Variants in MYOM2 observed in about 807,000 individuals in gnomAD.
The protein encoded by MYOM2 is myomesin 2, also known as myomesin-2.
MYOM2 carries 254 observed loss-of-function variants against 187.6 expected under a neutral mutation model. That is an observed-to-expected ratio of 1.35 (90% CI 1.22 to 1.50). The LOEUF is 1.50. MYOM2 is among the 40% of genes most tolerant of loss of function. The pLI is 0.00. For synonymous variants in MYOM2, 981 were observed against 753.8 expected, an observed-to-expected ratio of 1.30 and a Z score of -4.94; for missense variants, 2,796 against 1,924.0, an observed-to-expected ratio of 1.45 and a Z score of -8.48.
intron 14 of MYOM2, among the ~76,000 whole-genome samples, chr8:2,088,369 A>C (rs1446163144): frequency 6.6e-6 from 1 of 152,228 alleles, no homozygotes. Flanking sequence ...TTCGAGGTGC[A>C]GTTGATCTCG....
At chr8:2,144,610 C>T (rs1017720411) in intron 36 of MYOM2, 54 bp from the exon 37 acceptor site, 8 of 1,580,320 alleles carry the variant, frequency 5.1e-6, no homozygotes, top group South Asian at 2.2e-5. Flanking sequence ...GAGGGGGTGA[C>T]ATGACTTTCC....
intron 17 of MYOM2, among the ~76,000 whole-genome samples, chr8:2,094,845 C>T (rs769782805): frequency 2.6e-5 from 4 of 152,212 alleles, no homozygotes; most frequent in Middle Eastern, 3.4e-3. Flanking sequence ...TTTGATCAAA[C>T]GAGACAATTG....
chr8:2,100,128 CTTTCCTTCCTT>C, intron 19 of MYOM2, among the ~76,000 whole-genome samples: 1 of 68,298 alleles, frequency 1.5e-5, no homozygotes. Flanking sequence ...TTCCTTCCTT[CTTTCCTTCCTT>C]CCTTCCTTCC....
At chr8:2,123,488 A>G in intron 29 of MYOM2, 67 bp from the exon 30 acceptor site, 3 of 1,493,488 alleles carry the variant, frequency 2.0e-6, no homozygotes, top group Non-Finnish European at 2.8e-6. Flanking sequence ...AATGTATTAG[A>G]GTTTATTACG....
At chr8:2,049,417 G>A (rs1292036019) in intron 1 of MYOM2, among the ~76,000 whole-genome samples, 3 of 152,160 alleles carry the variant, frequency 2.0e-5, no homozygotes, top group East Asian at 3.9e-4. Flanking sequence ...TGTGATTCTC[G>A]GAGATTACAG....
chr8:2,127,752 G>A (rs888832321), intron 31 of MYOM2: 5 of 142,098 alleles, frequency 3.5e-5, no homozygotes, highest in Non-Finnish European at 7.7e-5. Flanking sequence ...GGCGTGACGC[G>A]GTGGCGCAGC....
chr8:2,054,501 C>T (rs763635021), intron 3 of MYOM2, among the ~76,000 whole-genome samples: 2 of 152,164 alleles, frequency 1.3e-5, no homozygotes, highest in Admixed American at 1.3e-4. Flanking sequence ...GCTGAAGTGA[C>T]GGTCAACTGA....
At chr8:2,130,493 A>G (rs1563077148) in intron 32 of MYOM2, among the ~76,000 whole-genome samples, 1 of 152,262 alleles carries the variant, frequency 6.6e-6, no homozygotes, top group Non-Finnish European at 1.5e-5. Context: ...TCCAAAGGAA[A>G]ATCAATGGTT....
At chr8:2,050,315 C>G (rs1163695270) in intron 1 of MYOM2, among the ~76,000 whole-genome samples, 1 of 152,224 alleles carries the variant, frequency 6.6e-6, no homozygotes, top group Non-Finnish European at 1.5e-5. Flanking sequence ...GTCCTGGCCT[C>G]CTGCCATTCC....
intron 15 of MYOM2, among the ~76,000 whole-genome samples, chr8:2,091,326 G>A (rs1170963914): frequency 2.0e-5 from 3 of 152,188 alleles, no homozygotes; most frequent in African/African-American, 4.8e-5. Context: ...TTCCAGGTGT[G>A]AGCCAGGGTG....
intron 19 of MYOM2, among the ~76,000 whole-genome samples, chr8:2,099,922 C>T (rs559784783): frequency 5.3e-5 from 8 of 152,310 alleles, no homozygotes; most frequent in South Asian, 2.1e-4. Context: ...TTTTAGTCAG[C>T]GTCTTTTGAG....
intron 36 of MYOM2, 28 bp downstream of exon 36, chr8:2,143,484 G>T: frequency 1.2e-6 from 2 of 1,613,982 alleles, no homozygotes; most frequent in Admixed American, 1.7e-5. Flanking sequence ...GGCCGGGGTG[G>T]GGGTGTCAGC....
intron 17 of MYOM2, among the ~76,000 whole-genome samples, chr8:2,095,909 G>C (rs955131217): frequency 8.5e-5 from 13 of 152,146 alleles, no homozygotes; most frequent in African/African-American, 3.1e-4. Context: ...CCTTCGCCAA[G>C]CTTCTTTCAA....
At chr8:2,100,743 A>T in intron 19 of MYOM2, 133 bp from the exon 20 acceptor site, 1 of 810,020 alleles carries the variant, frequency 1.2e-6, no homozygotes, top group East Asian at 2.7e-5. Flanking sequence ...GATAAACATC[A>T]GATGGGGAAC....
chr8:2,076,445 G>C (rs771908545), intron 11 of MYOM2, 163 bp downstream of exon 11: 1 of 900,034 alleles, frequency 1.1e-6, no homozygotes, highest in African/African-American at 1.7e-5. Context: ...TAGGTAATTG[G>C]TAAATACGGC....
chr8:2,115,746 C>A (rs563407489), intron 25 of MYOM2, among the ~76,000 whole-genome samples: 1 of 152,184 alleles, frequency 6.6e-6, no homozygotes, highest in Non-Finnish European at 1.5e-5. Flanking sequence ...ACTCTCAGAT[C>A]TCCTCACACA....
intron 11 of MYOM2, among the ~76,000 whole-genome samples, chr8:2,078,072 G>T (rs1819495227): frequency 6.6e-6 from 1 of 152,176 alleles, no homozygotes; most frequent in Non-Finnish European, 1.5e-5. Context: ...TTTCTCCTGG[G>T]AATTTCATGT....
chr8:2,087,120 G>A (rs1443533950), intron 14 of MYOM2, among the ~76,000 whole-genome samples: 1 of 152,168 alleles, frequency 6.6e-6, no homozygotes, highest in East Asian at 1.9e-4. Flanking sequence ...AATCTGACTT[G>A]GTGACGACCC....
chr8:2,056,607 A>T (rs759023772), intron 3 of MYOM2, among the ~76,000 whole-genome samples: 1 of 152,178 alleles, frequency 6.6e-6, no homozygotes, highest in African/African-American at 2.4e-5. Context: ...TCCTATCTGT[A>T]TATTTTTAAA....
Sources: allele counts gnomAD v4.1 joint callset (sites outside exome capture counted in the v4.1 genomes callset), GRCh38; gene constraint gnomAD v4.1.1; transcripts MANE v1.5; gene names NCBI Gene and HGNC (gene_info 2026-07-23, HGNC 2026-07-21).